The following HEATR5A variants were observed in gnomAD, a reference collection of about 807,000 sequenced individuals.
HEATR5A encodes the protein HEAT repeat containing 5A.
In HEATR5A, 178 loss-of-function variants were observed where a neutral mutation model predicts 218.8. That is an observed-to-expected ratio of 0.81 (90% CI 0.72 to 0.92). The LOEUF is 0.92. Ranked by LOEUF, HEATR5A falls within the 40% of genes least tolerant of loss-of-function variation. HEATR5A has a pLI of 0.00. For missense variants in HEATR5A, 2,420 were observed against 2,418.9 expected, an observed-to-expected ratio of 1.00 and a Z score of -0.01; for synonymous variants, 864 against 871.6, an observed-to-expected ratio of 0.99 and a Z score of 0.15.
intron 1 of HEATR5A, among the ~76,000 whole-genome samples, chr14:31,415,821 T>C (rs2031424660): frequency 6.6e-6 from 1 of 152,180 alleles, no homozygotes; most frequent in African/African-American, 2.4e-5. Flanking sequence ...AGTATATAAA[T>C]GCTATTGTAT....
At position 31,402,945 on chromosome 14, in the gene HEATR5A, C is replaced by G. The variant is rs1433664682; in HGVS notation, c.31G>C (p.Glu11Gln). 15 of 1,536,030 alleles carry G rather than the reference C, an allele frequency of 9.8e-6. No individual in the cohort carries two copies. The highest frequency in any genetic ancestry group is 1.4e-5 in the African/African-American group (1 of 73,040). Reference protein sequence around the residue: MELAHSLLLNEEAYNQLGEVQ... With the variant: MELAHSLLLNQEAYNQLGEVQ... ...TCACCTAGTTGATTGTATGCTTCTT[C>G]ATTCAGCAGTAAGCTATGAGCTAAT... The change falls in exon 2 of 36, where the codon GAA becomes CAA. Residue 11 changes from glutamate (E) to glutamine (Q), a missense_variant. By Grantham distance (29) the Glu-to-Gln change is conservative. Coordinates refer to ENST00000543095, the MANE Select transcript of HEATR5A (RefSeq NM_015473.4).
chr14:31,392,304 TC>T (rs1308095276), intron 6 of HEATR5A, among the ~76,000 whole-genome samples: 32 of 152,112 alleles, frequency 2.1e-4, no homozygotes, highest in Admixed American at 7.9e-4. Context: ...ATGCAATGTA[TC>T]TGGCAATACT....
intron 33 of HEATR5A, among the ~76,000 whole-genome samples, chr14:31,300,814 A>T (rs1899346036): frequency 1.3e-5 from 2 of 152,086 alleles, no homozygotes; most frequent in Non-Finnish European, 2.9e-5. Context: ...CTTGCTCCCC[A>T]AACTCCCTCT....
intron 31 of HEATR5A, among the ~76,000 whole-genome samples, chr14:31,305,604 G>C (rs1899533079): frequency 1.3e-5 from 2 of 152,162 alleles, no homozygotes; most frequent in Admixed American, 1.3e-4. Context: ...GTTAAAGACT[G>C]AGGGAGAAAG....
At chr14:31,307,544 A>G (rs1293918953) in intron 30 of HEATR5A, among the ~76,000 whole-genome samples, 1 of 152,214 alleles carries the variant, frequency 6.6e-6, no homozygotes, top group African/African-American at 2.4e-5. Flanking sequence ...GGGGAATGGA[A>G]TATAAGATAC....
At chr14:31,312,598 A>G (rs150677021) in intron 28 of HEATR5A, among the ~76,000 whole-genome samples, 6 of 152,180 alleles carry the variant, frequency 3.9e-5, no homozygotes, top group African/African-American at 1.2e-4. Flanking sequence ...TTTTTAGTAG[A>G]AATGGGGTTT....
intron 13 of HEATR5A, among the ~76,000 whole-genome samples, chr14:31,367,247 G>GA (rs1901837054): frequency 1.3e-5 from 2 of 151,902 alleles, no homozygotes; most frequent in African/African-American, 4.8e-5. Context: ...TTTTTAAAAA[G>GA]ACTTATAAGA....
At chr14:31,390,986 C>G (rs2030430374) in intron 6 of HEATR5A, among the ~76,000 whole-genome samples, 1 of 152,022 alleles carries the variant, frequency 6.6e-6, no homozygotes, top group South Asian at 2.1e-4. Flanking sequence ...GGACAAGATA[C>G]TAAGGTGAAA....
chr14:31,299,405 A>G (rs953155995), intron 33 of HEATR5A, among the ~76,000 whole-genome samples: 1 of 152,178 alleles, frequency 6.6e-6, no homozygotes, highest in African/African-American at 2.4e-5. Context: ...CGCAAATCCA[A>G]GCATATTACT....
intron 13 of HEATR5A, among the ~76,000 whole-genome samples, chr14:31,368,737 ATTTT>A (rs1210330374): frequency 0.017 from 2,266 of 134,638 alleles, 56 homozygotes; most frequent in African/African-American, 0.059. Flanking sequence ...TTATTTATTT[ATTTT>A]GGTAGAGATG....
chr14:31,399,723 G>C (rs1180858732), intron 3 of HEATR5A, among the ~76,000 whole-genome samples: 1 of 152,152 alleles, frequency 6.6e-6, no homozygotes. Flanking sequence ...CCAGCTACTT[G>C]GGAGGCTAAG....
At chr14:31,370,051 C>T (rs143500505) in intron 13 of HEATR5A, among the ~76,000 whole-genome samples, 45 of 151,466 alleles carry the variant, frequency 3.0e-4, no homozygotes, top group African/African-American at 1.0e-3. Flanking sequence ...ACGGTGAAAC[C>T]CCATCTCTAT....
chr14:31,302,202 C>T, intron 33 of HEATR5A, 93 bp downstream of exon 33: 1 of 897,360 alleles, frequency 1.1e-6, no homozygotes, highest in Non-Finnish European at 1.8e-6. Context: ...GGTGATATGG[C>T]CAAATATGAT....
chr14:31,418,487 C>T (rs1292160926), intron 1 of HEATR5A, among the ~76,000 whole-genome samples: 1 of 152,230 alleles, frequency 6.6e-6, no homozygotes, highest in Non-Finnish European at 1.5e-5. Context: ...GACCCACAGG[C>T]TGTAGATTGC....
chr14:31,416,517 C>A (rs897676732), intron 1 of HEATR5A, among the ~76,000 whole-genome samples: 1 of 151,892 alleles, frequency 6.6e-6, no homozygotes, highest in African/African-American at 2.4e-5. Context: ...ACATAACCAG[C>A]TCCAATTTCT....
chr14:31,410,860 T>C (rs1186841945), intron 1 of HEATR5A, among the ~76,000 whole-genome samples: 1 of 152,164 alleles, frequency 6.6e-6, no homozygotes, highest in African/African-American at 2.4e-5. Flanking sequence ...GAAAATGAAA[T>C]TCAAACTTAG....
intron 18 of HEATR5A, among the ~76,000 whole-genome samples, chr14:31,348,401 C>T (rs1032911769): frequency 6.6e-6 from 1 of 151,568 alleles, no homozygotes; most frequent in Non-Finnish European, 1.5e-5. Context: ...CATAATGAGA[C>T]CCTGTCTCTA....
intron 23 of HEATR5A, among the ~76,000 whole-genome samples, chr14:31,325,594 T>C (rs1246343916): frequency 6.6e-6 from 1 of 151,946 alleles, no homozygotes; most frequent in Non-Finnish European, 1.5e-5. Flanking sequence ...CTGCAACCTC[T>C]GCCTCTCGGG....
At chr14:31,386,398 A>T (rs1223085341) in intron 9 of HEATR5A, 22 bp downstream of exon 9, 1 of 1,601,780 alleles carries the variant, frequency 6.2e-7, no homozygotes, top group South Asian at 1.1e-5. Context: ...AAGGTATTCC[A>T]ATGAGTCACA....
Sources: gnomAD v4.1 joint callset for allele counts (sites outside exome capture counted in the v4.1 genomes callset) on GRCh38, gnomAD v4.1.1 for gene constraint, MANE v1.5 for transcripts, NCBI Gene and HGNC (gene_info 2026-07-23, HGNC 2026-07-21) for gene names.